The following SYTL5 variants were observed in gnomAD, a reference collection of about 807,000 sequenced individuals.
The protein encoded by SYTL5 is synaptotagmin-like protein 5.
A neutral mutation model predicts 55.9 loss-of-function variants in SYTL5; 34 were observed. The observed-to-expected ratio is 0.61, with a 90% CI of 0.46 to 0.81. SYTL5 has a LOEUF of 0.81. Among genes scored for constraint, SYTL5 ranks in the 30% least tolerant of loss-of-function variants. The pLI is 0.00. For missense variants in SYTL5, 637 were observed against 546.7 expected, an observed-to-expected ratio of 1.17 and a Z score of -1.65; for synonymous variants, 221 against 188.7, an observed-to-expected ratio of 1.17 and a Z score of -1.40.
chrX:37,903,555 T>A, the SYTL5 span, among the ~76,000 whole-genome samples: 1 of 46,954 alleles, frequency 2.1e-5, no homozygotes, highest in Non-Finnish European at 3.7e-5. Context: ...TGTTGTGGGG[T>A]GGGGGGAGGG....
At chrX:38,086,487 C>T (rs940157800) in intron 6 of SYTL5, among the ~76,000 whole-genome samples, 1 of 112,219 alleles carries the variant, frequency 8.9e-6, no homozygotes, top group Admixed American at 9.4e-5. Context: ...CAGACAGTGA[C>T]ATATCCCCAC....
intron 5 of SYTL5, among the ~76,000 whole-genome samples, chrX:38,074,251 CAAG>C (rs1016101706): frequency 1.2e-4 from 13 of 111,545 alleles, no homozygotes; most frequent in African/African-American, 4.2e-4. Flanking sequence ...CATAAGGGAG[CAAG>C]AAGTTTCTTT....
intron 2 of SYTL5, among the ~76,000 whole-genome samples, chrX:38,035,724 G>T (rs1261243699): frequency 9.4e-6 from 1 of 106,394 alleles, no homozygotes; most frequent in African/African-American, 3.4e-5. Flanking sequence ...ATGAAACCCC[G>T]TCTCTACTAA....
chrX:37,935,561 G>A, the SYTL5 span, among the ~76,000 whole-genome samples: 1 of 112,173 alleles, frequency 8.9e-6, no homozygotes, highest in African/African-American at 3.2e-5. Context: ...GGCATGCAAT[G>A]TTTAATGCTT....
At chrX:38,044,877 A>T (rs1935411387) in intron 2 of SYTL5, among the ~76,000 whole-genome samples, 1 of 111,863 alleles carries the variant, frequency 8.9e-6, no homozygotes, top group Non-Finnish European at 1.9e-5. Context: ...TCCATGTGGG[A>T]GACTTGGTTT....
intron 1 of SYTL5, among the ~76,000 whole-genome samples, chrX:38,014,872 G>T (rs1934300602): frequency 8.9e-6 from 1 of 112,190 alleles, no homozygotes; most frequent in African/African-American, 3.2e-5. Context: ...CCTGTCCTTT[G>T]TCCACAAGAA....
chrX:37,967,537 T>A, the SYTL5 span, among the ~76,000 whole-genome samples: 3 of 109,765 alleles, frequency 2.7e-5, no homozygotes, highest in African/African-American at 9.9e-5. Flanking sequence ...TAGTGTAGAT[T>A]TTCTGCGTTC....
At chrX:37,893,581 T>G in the SYTL5 span, among the ~76,000 whole-genome samples, 1 of 89,334 alleles carries the variant, frequency 1.1e-5, no homozygotes, top group Non-Finnish European at 2.1e-5. Context: ...AATCTATATA[T>G]AATCTATATA....
intron 3 of SYTL5, among the ~76,000 whole-genome samples, chrX:38,064,935 C>T (rs1475892409): frequency 9.0e-6 from 1 of 111,064 alleles, no homozygotes; most frequent in East Asian, 2.8e-4. Context: ...GCAATATTTA[C>T]ATTTATTTCT....
At chrX:38,122,508 G>A (rs936445490) in intron 15 of SYTL5, among the ~76,000 whole-genome samples, 1 of 112,262 alleles carries the variant, frequency 8.9e-6, no homozygotes, top group Non-Finnish European at 1.9e-5. Flanking sequence ...ACAAAAGTAT[G>A]ATTTCCTATG....
intron 3 of SYTL5, among the ~76,000 whole-genome samples, chrX:38,059,638 C>T (rs893510983): frequency 2.7e-5 from 3 of 111,216 alleles, no homozygotes; most frequent in Admixed American, 9.5e-5. Context: ...TAAACAAGAA[C>T]GCTAAGAGTT....
chrX:38,063,145 C>A (rs1414556166), intron 3 of SYTL5, among the ~76,000 whole-genome samples: 1 of 110,453 alleles, frequency 9.1e-6, no homozygotes, highest in Non-Finnish European at 1.9e-5. Flanking sequence ...ATAGGTGGGA[C>A]GAGCATCTGG....
chrX:37,948,038 C>G, the SYTL5 span, among the ~76,000 whole-genome samples: 1 of 111,922 alleles, frequency 8.9e-6, no homozygotes, highest in East Asian at 2.8e-4. Flanking sequence ...AAATCTTCTT[C>G]ATAGCTTCAT....
At chrX:37,899,956 G>A in the SYTL5 span, among the ~76,000 whole-genome samples, 1 of 112,009 alleles carries the variant, frequency 8.9e-6, no homozygotes, top group Non-Finnish European at 1.9e-5. Flanking sequence ...TATATAATTT[G>A]CAAATATAGG....
the SYTL5 span, among the ~76,000 whole-genome samples, chrX:37,992,981 G>A: frequency 9.1e-6 from 1 of 110,341 alleles, no homozygotes; most frequent in African/African-American, 3.3e-5. Flanking sequence ...AATAGAAACA[G>A]TAAAGTTCTC....
At chrX:38,124,292 TAAAA>T (rs940481568) in intron 15 of SYTL5, among the ~76,000 whole-genome samples, 2 of 112,090 alleles carry the variant, frequency 1.8e-5, no homozygotes, top group African/African-American at 6.5e-5. Flanking sequence ...TGTGCTCAAA[TAAAA>T]ACACAGTTTT....
At chrX:37,962,243 GC>G in the SYTL5 span, among the ~76,000 whole-genome samples, 2 of 109,868 alleles carry the variant, frequency 1.8e-5, no homozygotes, top group Non-Finnish European at 3.8e-5. Context: ...CCCACGACAG[GC>G]CCCGGTGTGT....
chrX:38,067,253 A>G (rs751951794), intron 3 of SYTL5, among the ~76,000 whole-genome samples: 212 of 111,353 alleles, frequency 1.9e-3, no homozygotes, highest in African/African-American at 6.7e-3. Flanking sequence ...AGCTCTAAGC[A>G]TGCATGGTAA....
chrX:37,920,747 C>T, the SYTL5 span, among the ~76,000 whole-genome samples: 1 of 110,781 alleles, frequency 9.0e-6, no homozygotes, highest in East Asian at 2.8e-4. Context: ...GAGGATAGAC[C>T]GATTTGCAAT....
Sources: gnomAD v4.1 joint callset for allele counts (sites outside exome capture counted in the v4.1 genomes callset) on GRCh38, gnomAD v4.1.1 for gene constraint, MANE v1.5 for transcripts, NCBI Gene and HGNC (gene_info 2026-07-23, HGNC 2026-07-21) for gene names.